The following NECTIN2 variants were observed in gnomAD, a reference collection of about 807,000 sequenced individuals.
NECTIN2 encodes the protein nectin-2.
NECTIN2 carries 23 observed loss-of-function variants against 56.9 expected under a neutral mutation model. The ratio of observed to expected loss-of-function variants is 0.40; its 90% CI spans 0.29 to 0.57. The LOEUF (loss-of-function observed/expected upper bound fraction) is 0.57, where lower values mean the gene tolerates loss of function less well. Among genes scored for constraint, NECTIN2 ranks in the 20% least tolerant of loss-of-function variants. The pLI, the probability that NECTIN2 is intolerant of heterozygous loss-of-function variation, is 0.38. For synonymous variants in NECTIN2, 302 were observed against 313.8 expected, an observed-to-expected ratio of 0.96 and a Z score of 0.40; for missense variants, 587 against 718.3, an observed-to-expected ratio of 0.82 and a Z score of 2.09.
At chr19:44,871,814 C>G in intron 2 of NECTIN2, 39 bp from the exon 3 acceptor site, 3 of 1,589,096 alleles carry the variant, frequency 1.9e-6, no homozygotes, top group Non-Finnish European at 2.6e-6. Flanking sequence ...GAATGACTGC[C>G]GGTGAGGAGT....
intron 1 of NECTIN2, among the ~76,000 whole-genome samples, chr19:44,860,928 A>T (rs1238757875): frequency 1.3e-5 from 2 of 151,080 alleles, no homozygotes. Flanking sequence ...TGTGTAGCGT[A>T]AGAATTTATA....
chr19:44,876,999 A>G (rs910470307), intron 5 of NECTIN2, among the ~76,000 whole-genome samples: 5 of 152,202 alleles, frequency 3.3e-5, no homozygotes, highest in African/African-American at 1.2e-4. Context: ...TGGTCCAGTT[A>G]GTGACCAGCA....
chr19:44,878,545 A>G (rs745535308), intron 5 of NECTIN2: 2 of 1,613,748 alleles, frequency 1.2e-6, no homozygotes, highest in South Asian at 1.1e-5. Flanking sequence ...TGTTGCCTCC[A>G]CCCCCAGCAC....
intron 1 of NECTIN2, among the ~76,000 whole-genome samples, chr19:44,851,720 A>G (rs992829857): frequency 6.6e-6 from 1 of 152,154 alleles, no homozygotes; most frequent in Non-Finnish European, 1.5e-5. Context: ...ACACTGAGGG[A>G]GGCTGGTGTT....
rs768963587 is a variant in NECTIN2, at chr19:44,874,066, A to G, written c.893+33A>G. 1.3e-6 allele frequency: 2 copies of G among 1,558,516 alleles called. No homozygotes were observed. The highest frequency in any genetic ancestry group is 1.8e-6 in the Non-Finnish European group (2 of 1,133,132). On this transcript the variant is annotated intron_variant, in intron 4 of 8. Transcript: ENST00000252483. The surrounding 1 kb of genome is among the most constrained non-coding windows in gnomAD (Gnocchi z 6.3). ...ACGTGGTCTCAGAACCCTGGGTCTG[A>G]GGGAGGCGGGGCTGGGGGCCTGGAC...
intron 1 of NECTIN2, among the ~76,000 whole-genome samples, chr19:44,852,064 C>T (rs1208575327): frequency 6.8e-6 from 1 of 147,678 alleles, no homozygotes; most frequent in East Asian, 2.0e-4. Flanking sequence ...ACCCTGATCC[C>T]GGCGCCTCCC....
chr19:44,876,282 A>C (rs1010757368), intron 5 of NECTIN2, among the ~76,000 whole-genome samples: 3 of 148,494 alleles, frequency 2.0e-5, no homozygotes, highest in Admixed American at 6.7e-5. Context: ...CCGAACTGGA[A>C]ATACACCCCT....
chr19:44,860,273 C>T (rs372931677), intron 1 of NECTIN2, among the ~76,000 whole-genome samples: 41 of 152,254 alleles, frequency 2.7e-4, no homozygotes, highest in Admixed American at 6.5e-4. Context: ...GCCCGTAATC[C>T]GAACACTTTG....
intron 5 of NECTIN2, among the ~76,000 whole-genome samples, chr19:44,877,577 C>T (rs1969254185): frequency 6.6e-6 from 1 of 152,224 alleles, no homozygotes; most frequent in African/African-American, 2.4e-5. Context: ...AATAAATGCT[C>T]CCAGCCACTC....
intron 2 of NECTIN2, among the ~76,000 whole-genome samples, chr19:44,871,168 C>A (rs536582089): frequency 6.6e-6 from 1 of 151,980 alleles, no homozygotes; most frequent in Non-Finnish European, 1.5e-5. Context: ...GCCCGACCAG[C>A]TTTTTTTTAA....
chr19:44,867,899 G>A (rs570215650), intron 2 of NECTIN2, among the ~76,000 whole-genome samples: 164 of 152,122 alleles, frequency 1.1e-3, no homozygotes, highest in Admixed American at 1.6e-3. Context: ...GGAGTGATTG[G>A]AGGAGTGGAC....
rs145014009 is a variant in NECTIN2 at position 44,856,120 on chromosome 19, G to T, written c.89-9151G>T. On this transcript the variant is annotated intron_variant, in intron 1 of 8. Coordinates refer to ENST00000252483, the MANE Select transcript of NECTIN2 (RefSeq NM_001042724.2). ...GTTCGAGGCCAGCCTGGCCAAGATG[G>T]TGAAACCCTGTCTCTACTCAAAATA... is the stretch of plus-strand genomic sequence containing the variant. Among the ~76,000 whole-genome samples, 1,331 of 152,276 alleles carry T rather than the reference G, an allele frequency of 8.7e-3. 15 individuals carry two copies. The highest frequency in any genetic ancestry group is 0.031 in the African/African-American group (1,290 of 41,544).
At position 44,888,554 on chromosome 19, in the gene NECTIN2, A is replaced by G. The variant is rs569860203; in HGVS notation, c.*175A>G. 1 of 676,968 alleles carries G rather than the reference A, an allele frequency of 1.5e-6. No individual in the cohort carries two copies. Among genetic ancestry groups the G allele is most frequent in the South Asian group, 2.2e-5 (1 of 45,322 alleles). The allele number at this position is 676,968 out of a possible 1,614,324, so 41.9% of individuals were successfully genotyped here. A position where few individuals can be genotyped will look rare whatever the true frequency, so the allele number is the denominator to read the frequency against. ...ACCCCTAACCCATGAGCCCAGAGAA[A>G]TTCACCGTGATAATGGAATCCTGGC... On this transcript the variant is annotated 3_prime_UTR_variant, in exon 9 of 9. Coordinates refer to ENST00000252483, the MANE Select transcript of NECTIN2 (RefSeq NM_001042724.2).
intron 5 of NECTIN2, among the ~76,000 whole-genome samples, chr19:44,876,584 T>A (rs1211832444): frequency 2.6e-5 from 4 of 151,900 alleles, no homozygotes; most frequent in African/African-American, 4.8e-5. Flanking sequence ...GGAGACACAC[T>A]CAAAGCTCCT....
At chr19:44,863,616 G>T (rs1348885168) in intron 1 of NECTIN2, among the ~76,000 whole-genome samples, 2 of 151,714 alleles carry the variant, frequency 1.3e-5, no homozygotes, top group Admixed American at 1.3e-4. Flanking sequence ...GCCAAGGGGG[G>T]AGCTGATCAT....
At chr19:44,862,082 T>C (rs1969037274) in intron 1 of NECTIN2, among the ~76,000 whole-genome samples, 1 of 152,158 alleles carries the variant, frequency 6.6e-6, no homozygotes, top group East Asian at 1.9e-4. Flanking sequence ...ACCAAAGACA[T>C]GGACTCAATC....
Position 44,871,994 on chromosome 19 carries a change from C to T in NECTIN2, c.620C>T (p.Thr207Ile). The T allele has an allele frequency of 1.2e-6, 2 of 1,614,206 alleles. No individual in the cohort carries two copies. Among genetic ancestry groups the T allele is most frequent in the Non-Finnish European group, 1.7e-6 (2 of 1,180,048 alleles). The change falls in exon 3 of 9, where the codon ACT (threonine) becomes ATT (isoleucine). Residue 207 changes from threonine to isoleucine, a missense_variant. Physicochemically the swap from Thr to Ile is moderately conservative, Grantham distance 89 (BLOSUM62 -1). Coordinates refer to ENST00000252483, the MANE Select transcript of NECTIN2 (RefSeq NM_001042724.2). ...LSSLDWEAKE[T>I]QVSGTLAGTV... Reference sequence around the variant, plus strand: ...TCCCTGGACTGGGAAGCCAAAGAGACTCAGGTGTCAGGGACCCTGGCCGGA... The same window carrying T: ...TCCCTGGACTGGGAAGCCAAAGAGATTCAGGTGTCAGGGACCCTGGCCGGA...
rs1407022706 is a variant in NECTIN2, at chr19:44,873,635, A to AC, written c.776-281_776-280insC. 6.0e-3 allele frequency among the ~76,000 whole-genome samples: 795 copies of AC among 133,362 alleles called. 9 individuals carry two copies. Among genetic ancestry groups the AC allele is most frequent in the African/African-American group, 0.023 (767 of 32,964 alleles). The allele number at this position is 133,362 out of a possible 152,430, so 87.5% of individuals were successfully genotyped here. On this transcript the variant is annotated intron_variant, in intron 3 of 8. Transcript: ENST00000252483. ...GCAACAGAGCAAGATCCTGTCTCAA[A>AC]AACACACACACACACACACACACAT... is the stretch of plus-strand genomic sequence containing the variant.
intron 5 of NECTIN2, among the ~76,000 whole-genome samples, chr19:44,881,277 TC>T (rs1969304999): frequency 6.6e-6 from 1 of 152,046 alleles, no homozygotes; most frequent in African/African-American, 2.4e-5. Flanking sequence ...CAGAATTCTG[TC>T]CCCGCATTCT....
Sources: allele counts gnomAD v4.1 joint callset (sites outside exome capture counted in the v4.1 genomes callset), GRCh38; gene constraint gnomAD v4.1.1; non-coding constraint Gnocchi (gnomAD v3.1); transcripts MANE v1.5; gene names NCBI Gene and HGNC (gene_info 2026-07-23, HGNC 2026-07-21).